The following ZDHHC3 variants were observed in gnomAD, a reference collection of about 807,000 sequenced individuals.
ZDHHC3 encodes the protein zDHHC palmitoyltransferase 3.
ZDHHC3 carries 9 observed loss-of-function variants against 30.6 expected under a neutral mutation model. That is an observed-to-expected ratio of 0.29 (90% CI 0.18 to 0.51). The LOEUF (loss-of-function observed/expected upper bound fraction) is 0.51. ZDHHC3 is among the 20% of genes least tolerant of loss of function. The pLI is 0.97. For synonymous variants in ZDHHC3, 136 were observed against 140.2 expected (o/e 0.97, Z 0.21); for missense variants, 246 against 384.2 (o/e 0.64, Z 3.01).
chr3:44,967,988 G>A (rs1383133296), intron 1 of ZDHHC3, among the ~76,000 whole-genome samples: 1 of 152,182 alleles, frequency 6.6e-6, no homozygotes, highest in African/African-American at 2.4e-5. Flanking sequence ...GCTTTTATTC[G>A]CCATTGCAGA....
chr3:44,940,336 C>A (rs1003520711), intron 3 of ZDHHC3, among the ~76,000 whole-genome samples: 3 of 152,184 alleles, frequency 2.0e-5, no homozygotes, highest in African/African-American at 7.2e-5. Flanking sequence ...AGACTAAGAG[C>A]CTCTTCCACA....
chr3:44,941,413 C>G (rs939013579), intron 3 of ZDHHC3, among the ~76,000 whole-genome samples: 12 of 152,104 alleles, frequency 7.9e-5, no homozygotes, highest in Non-Finnish European at 1.8e-4. Flanking sequence ...TCAGCCTCAG[C>G]AGAACTACTC....
intron 3 of ZDHHC3, among the ~76,000 whole-genome samples, chr3:44,940,231 C>A (rs918985213): frequency 6.6e-6 from 1 of 152,174 alleles, no homozygotes; most frequent in Admixed American, 6.5e-5. Context: ...TCCCAGCCCC[C>A]ACTGCATGCA....
At chr3:44,955,551 T>C (rs1383399073) in intron 2 of ZDHHC3, among the ~76,000 whole-genome samples, 1 of 151,578 alleles carries the variant, frequency 6.6e-6, no homozygotes, top group East Asian at 1.9e-4. Context: ...CTTATAACCT[T>C]TGGATATAAA....
At chr3:44,942,921 C>G (rs753772183) in intron 3 of ZDHHC3, among the ~76,000 whole-genome samples, 2 of 152,142 alleles carry the variant, frequency 1.3e-5, no homozygotes, top group Non-Finnish European at 2.9e-5. Context: ...GCAAGCTGAG[C>G]TTTTTAAAAA....
At chr3:44,933,730 C>T (rs1288184695) in intron 4 of ZDHHC3, among the ~76,000 whole-genome samples, 158 bp downstream of exon 4, 1 of 152,154 alleles carries the variant, frequency 6.6e-6, no homozygotes, top group Non-Finnish European at 1.5e-5. Flanking sequence ...TAGGTACAGG[C>T]ACTTGTTGAG....
At chr3:44,937,196 G>C (rs1702038242) in intron 3 of ZDHHC3, among the ~76,000 whole-genome samples, 1 of 152,110 alleles carries the variant, frequency 6.6e-6, no homozygotes, top group Non-Finnish European at 1.5e-5. Context: ...TGTAATCCCA[G>C]CACTCTGGGA....
intron 5 of ZDHHC3, chr3:44,932,782 A>G (rs1701607436): frequency 1.5e-6 from 1 of 665,980 alleles, no homozygotes; most frequent in Admixed American, 2.5e-5. Context: ...GAAAGACAGA[A>G]AACAAAACTT....
intron 1 of ZDHHC3, among the ~76,000 whole-genome samples, chr3:44,973,587 T>C (rs1325743388): frequency 6.6e-6 from 1 of 152,140 alleles, no homozygotes; most frequent in Non-Finnish European, 1.5e-5. Flanking sequence ...GCCTCCCGAG[T>C]AGCTGGGATT....
rs1293512305 is a variant in ZDHHC3 at position 44,919,412 on chromosome 3, G to C, written c.*7277C>G. 1 of 152,550 alleles carries C rather than the reference G, an allele frequency of 6.6e-6. No individual in the cohort carries two copies. Among genetic ancestry groups the C allele is most frequent in the Non-Finnish European group, 1.5e-5 (1 of 68,380 alleles). The allele number at this position is 152,550 out of a possible 1,614,324, so 9.4% of individuals were successfully genotyped here. A position where few individuals can be genotyped will look rare whatever the true frequency, so the allele number is the denominator to read the frequency against. ...AATACCTGCCCTACAATCTTCAAAA[G>C]GGTCAAAGATTGATGAAAAGATTTT... On this transcript the variant is annotated 3_prime_UTR_variant, in exon 7 of 7. Transcript: ENST00000424952.
At chr3:44,964,965 G>A (rs1220140987) in intron 1 of ZDHHC3, among the ~76,000 whole-genome samples, 7 of 152,112 alleles carry the variant, frequency 4.6e-5, no homozygotes, top group African/African-American at 1.4e-4. Context: ...AAGGAACTAA[G>A]CCTGGGGAGG....
Position 44,923,126 on chromosome 3 carries a change from A to G in ZDHHC3, c.*3563T>C. 6 of 964,276 alleles carry G rather than the reference A, an allele frequency of 6.2e-6. No homozygotes were observed. The highest frequency in any genetic ancestry group is 7.3e-6 in the Non-Finnish European group (6 of 816,370). The allele number at this position is 964,276 out of a possible 1,614,324, so 59.7% of individuals were successfully genotyped here. On this transcript the variant is annotated 3_prime_UTR_variant, in exon 7 of 7. Transcript: ENST00000424952. ...AGTCTCACTCTGTCGCCCAGGCTGG[A>G]GTGCAGTGGTGCGATCTTGGCTCAC... is the stretch of plus-strand genomic sequence containing the variant.
At chr3:44,954,292 T>C (rs369271022) in intron 2 of ZDHHC3, among the ~76,000 whole-genome samples, 2 of 152,220 alleles carry the variant, frequency 1.3e-5, no homozygotes, top group Non-Finnish European at 2.9e-5. Context: ...ATGCACATCA[T>C]GATGTTTCAG....
At chr3:44,967,081 C>G (rs530882054) in intron 1 of ZDHHC3, among the ~76,000 whole-genome samples, 1 of 151,136 alleles carries the variant, frequency 6.6e-6, no homozygotes, top group East Asian at 1.9e-4. Context: ...CAGCCTTCAA[C>G]AAAAAACAAA....
chr3:44,933,580 C>A, intron 4 of ZDHHC3: 1 of 536,790 alleles, frequency 1.9e-6, no homozygotes, highest in East Asian at 3.2e-5. Context: ...CACCTACCTG[C>A]ACCTCAGGAT....
chr3:44,967,997 G>C (rs1242154046), intron 1 of ZDHHC3, among the ~76,000 whole-genome samples: 2 of 152,196 alleles, frequency 1.3e-5, no homozygotes, highest in South Asian at 2.1e-4. Context: ...CGCCATTGCA[G>C]AGATGGAAAA....
intron 1 of ZDHHC3, among the ~76,000 whole-genome samples, chr3:44,960,272 C>T (rs969904070): frequency 2.0e-5 from 3 of 152,204 alleles, no homozygotes; most frequent in Admixed American, 6.5e-5. Flanking sequence ...GTGAAAACAC[C>T]TACATTCCAG....
chr3:44,939,077 C>T (rs184799491), intron 3 of ZDHHC3, among the ~76,000 whole-genome samples: 1 of 152,292 alleles, frequency 6.6e-6, no homozygotes, highest in African/African-American at 2.4e-5. Flanking sequence ...TTTTCCACAA[C>T]TTCAAAGGGC....
At chr3:44,928,043 C>T (rs947032433) in intron 6 of ZDHHC3, among the ~76,000 whole-genome samples, 1 of 152,240 alleles carries the variant, frequency 6.6e-6, no homozygotes, top group South Asian at 2.1e-4. Flanking sequence ...CTGGCTCCCC[C>T]AGACCGTGGC....
Sources: allele counts gnomAD v4.1 joint callset (sites outside exome capture counted in the v4.1 genomes callset), GRCh38; gene constraint gnomAD v4.1.1; transcripts MANE v1.5; gene names NCBI Gene and HGNC (gene_info 2026-07-23, HGNC 2026-07-21).